The following AP3M2 variants were observed in gnomAD, a reference collection of about 807,000 sequenced individuals.
The protein encoded by AP3M2 is adaptor related protein complex 3 subunit mu 2.
In AP3M2, 28 loss-of-function variants were observed where a neutral mutation model predicts 41.6. The ratio of observed to expected loss-of-function variants is 0.67; its 90% CI spans 0.50 to 0.92. AP3M2 has a LOEUF of 0.92. Among genes scored for constraint, AP3M2 ranks in the 40% least tolerant of loss-of-function variants. The probability of loss-of-function intolerance (pLI) is 0.00; values close to 1 mark genes in which losing one functional copy is unlikely to be tolerated. For missense variants in AP3M2, 427 were observed against 521.4 expected, an observed-to-expected ratio of 0.82 and a Z score of 1.76; for synonymous variants, 193 against 186.4, an observed-to-expected ratio of 1.04 and a Z score of -0.29.
At chr8:42,153,857 T>C (rs1484932464) in intron 1 of AP3M2, 2 of 152,048 alleles carry the variant, frequency 1.3e-5, no homozygotes, top group Non-Finnish European at 2.9e-5. Flanking sequence ...ATAGCTCTGA[T>C]TGGATGAATA....
At position 42,170,189 on chromosome 8, in the gene AP3M2, C is replaced by T. The variant is rs762245025; in HGVS notation, c.*1128C>T. On this transcript the variant is annotated 3_prime_UTR_variant, in exon 9 of 9. Transcript: ENST00000396926. ...CCTAGAAAAAGAGAAAGCTTACCAT[C>T]GAGGGTGTGGTTGATCCTTGAAGCT... 1 of 152,210 alleles carries T rather than the reference C, an allele frequency of 6.6e-6. No individual in the cohort carries two copies. Among genetic ancestry groups the T allele is most frequent in the Non-Finnish European group, 1.5e-5 (1 of 68,050 alleles). The allele number at this position is 152,210 out of a possible 1,614,324, so 9.4% of individuals were successfully genotyped here.
chr8:42,162,823 G>A (rs1164878206), intron 4 of AP3M2, among the ~76,000 whole-genome samples: 2 of 151,550 alleles, frequency 1.3e-5, no homozygotes, highest in Non-Finnish European at 2.9e-5. Flanking sequence ...GTGCATGCCT[G>A]TATTCCTAAC....
intron 4 of AP3M2, 145 bp downstream of exon 4, chr8:42,162,563 C>T (rs761461129): frequency 1.1e-6 from 1 of 878,746 alleles, no homozygotes; most frequent in Non-Finnish European, 1.7e-6. Context: ...GTGCTGGGTA[C>T]TGGGAATGGA....
chr8:42,160,965 G>A (rs1411297066), intron 3 of AP3M2, among the ~76,000 whole-genome samples: 2 of 152,142 alleles, frequency 1.3e-5, no homozygotes, highest in African/African-American at 4.8e-5. Flanking sequence ...AGTTAAGCCT[G>A]TATCTCACTT....
At chr8:42,155,912 C>G (rs1021612811) in intron 2 of AP3M2, 1 of 451,716 alleles carries the variant, frequency 2.2e-6, no homozygotes, top group Admixed American at 2.4e-5. Flanking sequence ...TGCACCACGT[C>G]TAGAACAACT....
rs141205851 is a variant in AP3M2 at position 42,162,288 on chromosome 8, G to A, written c.453G>A (p.Thr151=). The A allele has an allele frequency of 9.3e-6, 15 of 1,611,338 alleles. No individual in the cohort carries two copies. Among genetic ancestry groups the A allele is most frequent in the East Asian group, 2.2e-5 (1 of 44,806 alleles). The part of the protein sequence containing the change: ...RTVVNTITGS[T]NVGDQLPTGQ... ...TAATATTAATTGCCTCAGGAAGCAC[G>A]AATGTGGGTGACCAGCTTCCCACTG... The change falls in exon 4 of 9, where the codon ACG becomes ACA. Residue 151 remains threonine, a synonymous_variant. Transcript: ENST00000396926.
chr8:42,166,603 A>AAAAAAAAG (rs1804644340), intron 6 of AP3M2, among the ~76,000 whole-genome samples: 1 of 150,532 alleles, frequency 6.6e-6, no homozygotes, highest in African/African-American at 2.4e-5. Flanking sequence ...AAAAAAAAAA[A>AAAAAAAAG]AAAAAAAGTA....
At chr8:42,165,245 A>T (rs1804608122) in intron 5 of AP3M2, 89 bp downstream of exon 5, 1 of 1,479,970 alleles carries the variant, frequency 6.8e-7, no homozygotes, top group Non-Finnish European at 9.3e-7. Flanking sequence ...ATAGAACAAG[A>T]AGAAATAATT....
At chr8:42,158,498 C>T (rs1237093422) in intron 3 of AP3M2, among the ~76,000 whole-genome samples, 3 of 152,156 alleles carry the variant, frequency 2.0e-5, no homozygotes, top group African/African-American at 7.2e-5. Context: ...ATCCACCTGC[C>T]TCGGCCTCCC....
chr8:42,162,622 T>C (rs1269736042), intron 4 of AP3M2, among the ~76,000 whole-genome samples: 1 of 152,058 alleles, frequency 6.6e-6, no homozygotes, highest in East Asian at 1.9e-4. Flanking sequence ...GTTTACTTGC[T>C]TTATTGGTCT....
chr8:42,168,131 T>C (rs1804691110), intron 8 of AP3M2: 2 of 512,988 alleles, frequency 3.9e-6, no homozygotes, highest in Admixed American at 4.5e-5. Context: ...GTTTTCAGTA[T>C]GAGAATCCAT....
intron 2 of AP3M2, 127 bp from the exon 3 acceptor site, chr8:42,157,811 CTCG>C (rs1672600031): frequency 1.2e-6 from 1 of 805,666 alleles, no homozygotes; most frequent in South Asian, 2.4e-5. Flanking sequence ...GCTGCATTCC[CTCG>C]TTGTAGAAGA....
intron 3 of AP3M2, among the ~76,000 whole-genome samples, chr8:42,159,668 CT>C (rs1410855053): frequency 6.6e-6 from 1 of 152,042 alleles, no homozygotes; most frequent in African/African-American, 2.4e-5. Flanking sequence ...TGTGATTTAG[CT>C]TTGTTCTGGT....
rs1804405790 is a variant in AP3M2, at chr8:42,158,082, A to G, written c.415A>G (p.Ile139Val). ...ILKELIKPPT[I>V]LRTVVNTITG... ...TAAAGAACTCATAAAGCCTCCTACC[A>G]TCCTTCGAACGGTTGTCAACACCAT... is the stretch of plus-strand genomic sequence containing the variant. Residue 139 changes from isoleucine (I) to valine (V), a missense_variant, in exon 3 of 9, where the codon ATC (isoleucine) becomes GTC (valine). Transcript: ENST00000396926. 1 of 1,614,058 alleles carries G rather than the reference A, an allele frequency of 6.2e-7. No individual in the cohort carries two copies. The highest frequency in any genetic ancestry group is 8.5e-7 in the Non-Finnish European group (1 of 1,179,948).
At chr8:42,154,535 G>A in intron 1 of AP3M2, 81 bp from the exon 2 acceptor site, 1 of 1,104,858 alleles carries the variant, frequency 9.1e-7, no homozygotes, top group South Asian at 1.7e-5. Context: ...CTTGAAAGAT[G>A]GGTAAGTCTT....
At position 42,169,131 on chromosome 8, in the gene AP3M2, AT is replaced by A. The variant is rs1165700968; in HGVS notation, c.*71del. 19 of 1,330,956 alleles carry A rather than the reference AT, an allele frequency of 1.4e-5. No homozygotes were observed. Among genetic ancestry groups the A allele is most frequent in the Non-Finnish European group, 1.9e-5 (18 of 955,658 alleles). The allele number at this position is 1,330,956 out of a possible 1,614,324, so 82.4% of individuals were successfully genotyped here. A position where few individuals can be genotyped will look rare whatever the true frequency, so the allele number is the denominator to read the frequency against. Reference sequence around the variant, plus strand: ...CTTACTTGTCTAAAAGTAAAAAAAAATATCAGCCTGTCTCCTAGGTCAGTCC... The same window carrying A: ...CTTACTTGTCTAAAAGTAAAAAAAAAATCAGCCTGTCTCCTAGGTCAGTCC... On this transcript the variant is annotated 3_prime_UTR_variant, in exon 9 of 9. Transcript: ENST00000396926.
intron 6 of AP3M2, among the ~76,000 whole-genome samples, chr8:42,166,179 G>C (rs935599887): frequency 2.0e-5 from 3 of 152,156 alleles, no homozygotes; most frequent in African/African-American, 4.8e-5. Flanking sequence ...CCCATCTTCA[G>C]TACTTAGAAC....
chr8:42,165,304 A>G, intron 5 of AP3M2, 123 bp from the exon 6 acceptor site: 16 of 1,435,430 alleles, frequency 1.1e-5, no homozygotes, highest in South Asian at 5.2e-5. Flanking sequence ...AGAAGTCACT[A>G]CATGATTTCT....
chr8:42,169,808 G>A lies in AP3M2; in HGVS notation c.*747G>A, dbSNP rs1212065663. On this transcript the variant is annotated 3_prime_UTR_variant, in exon 9 of 9. Transcript: ENST00000396926. ...GCCTGTTGCTGTCCATCAGCACTTG[G>A]TCTCTTATCTTCAGTGAGAAGGTGA... 1 of 152,190 alleles carries A rather than the reference G, an allele frequency of 6.6e-6. No homozygotes were observed. The highest frequency in any genetic ancestry group is 2.4e-5 in the African/African-American group (1 of 41,442). 9.4% of individuals were successfully genotyped at this position (152,190 alleles called of 1,614,324 possible).
Sources: gnomAD v4.1 joint callset for allele counts (sites outside exome capture counted in the v4.1 genomes callset) on GRCh38, gnomAD v4.1.1 for gene constraint, MANE v1.5 for transcripts, NCBI Gene and HGNC (gene_info 2026-07-23, HGNC 2026-07-21) for gene names.